The following TSHR variants were observed in gnomAD, a reference collection of about 807,000 sequenced individuals.
TSHR encodes thyrotropin receptor.
Under a neutral mutation model 64.1 loss-of-function variants are expected in TSHR, and 51 were observed. The ratio of observed to expected loss-of-function variants is 0.80; its 90% CI spans 0.64 to 1.01. TSHR has a LOEUF of 1.01. Among genes scored for constraint, TSHR ranks in the 50% least tolerant of loss-of-function variants. TSHR has a pLI of 0.00. For missense variants in TSHR, 877 were observed against 942.8 expected, an observed-to-expected ratio of 0.93 and a Z score of 0.91; for synonymous variants, 361 against 361.9, an observed-to-expected ratio of 1.00 and a Z score of 0.03.
At chr14:81,002,220 C>T (rs1299866624) in intron 1 of TSHR, among the ~76,000 whole-genome samples, 1 of 152,082 alleles carries the variant, frequency 6.6e-6, no homozygotes, top group Non-Finnish European at 1.5e-5. Context: ...TTCTGAAATA[C>T]ATCTGGCCCC....
intron 1 of TSHR, among the ~76,000 whole-genome samples, chr14:81,033,657 T>C (rs1418348211): frequency 1.3e-5 from 2 of 151,548 alleles, no homozygotes; most frequent in African/African-American, 4.8e-5. Context: ...TCTTTATCTT[T>C]AAACCAAGAG....
Position 81,103,976 on chromosome 14 carries a change from T to A in TSHR, c.615-4399T>A. 1.0e-6 allele frequency: 1 copy of A among 985,462 alleles called. No individual in the cohort carries two copies. The highest frequency in any genetic ancestry group is 1.2e-6 in the Non-Finnish European group (1 of 829,932). The allele number at this position is 985,462 out of a possible 1,614,324, so 61.0% of individuals were successfully genotyped here. Reference sequence around the variant, plus strand: ...AGAATTAATGTGCTAATTAGCATCATGCATTAGCTGATTCGAAGTAAAACA... The same window carrying A: ...AGAATTAATGTGCTAATTAGCATCAAGCATTAGCTGATTCGAAGTAAAACA... On this transcript the variant is annotated intron_variant, in intron 7 of 9. Transcript: ENST00000298171. This position sits in a 1 kb window ranked among gnomAD's most constrained non-coding sequence, Gnocchi z 4.1.
chr14:81,046,167 A>G (rs115982509), intron 1 of TSHR, among the ~76,000 whole-genome samples: 2,205 of 152,322 alleles, frequency 0.014, 62 homozygotes, highest in African/African-American at 0.05. Flanking sequence ...TTCCATAATC[A>G]GGGAGAAGGG....
intron 8 of TSHR, among the ~76,000 whole-genome samples, chr14:81,132,464 G>C (rs935911061): frequency 6.6e-6 from 1 of 152,160 alleles, no homozygotes; most frequent in Non-Finnish European, 1.5e-5. Flanking sequence ...ATTAAACGTA[G>C]TTAGCTCTTT....
At chr14:81,001,559 A>C in intron 1 of TSHR, 1 of 525,464 alleles carries the variant, frequency 1.9e-6, no homozygotes, top group Non-Finnish European at 3.8e-6. Context: ...TGGGCCACCA[A>C]CCCTGTGTCC....
intron 4 of TSHR, among the ~76,000 whole-genome samples, chr14:81,090,333 C>A (rs1358916881): frequency 6.6e-6 from 1 of 152,200 alleles, no homozygotes; most frequent in Non-Finnish European, 1.5e-5. Flanking sequence ...CAACCTCCAC[C>A]TCCCAGGTTC....
At chr14:81,031,461 A>T (rs1884343131) in intron 1 of TSHR, among the ~76,000 whole-genome samples, 1 of 152,234 alleles carries the variant, frequency 6.6e-6, no homozygotes, top group Non-Finnish European at 1.5e-5. Flanking sequence ...ATATTTAGAA[A>T]AAAACATGAG....
chr14:80,974,232 C>T (rs529689215), intron 1 of TSHR, among the ~76,000 whole-genome samples: 3 of 152,296 alleles, frequency 2.0e-5, no homozygotes, highest in South Asian at 4.1e-4. Context: ...GACCATCCAG[C>T]AGCTGTTTGG....
rs545850010 is a variant in TSHR at position 81,102,354 on chromosome 14, C to A, written c.614+5647C>A. 5.4e-5 allele frequency among the ~76,000 whole-genome samples: 8 copies of A among 147,976 alleles called. No homozygotes were observed. The East Asian group carries it at 1.4e-3, about 25-fold the overall frequency. The stretch of plus-strand genomic sequence containing the variant: ...TGTCAGTGACAATGGATTTTCAATT[C>A]ACTGGTGCCATGACTTACTGTCTAA... On this transcript the variant is annotated intron_variant, in intron 7 of 9. Transcript: ENST00000298171.
intron 8 of TSHR, chr14:81,109,031 T>G (rs1025194953): frequency 3.4e-6 from 4 of 1,181,340 alleles, no homozygotes; most frequent in Middle Eastern, 3.6e-4. Flanking sequence ...CCCTGAAGCC[T>G]CTGTATCATT....
intron 2 of TSHR, among the ~76,000 whole-genome samples, chr14:81,064,224 A>T (rs1886443431): frequency 6.6e-6 from 1 of 152,158 alleles, no homozygotes; most frequent in South Asian, 2.1e-4. Flanking sequence ...CCCAAAGTAC[A>T]GGGGATGGCA....
intron 1 of TSHR, among the ~76,000 whole-genome samples, chr14:81,029,586 C>T (rs1339726914): frequency 6.6e-6 from 1 of 151,920 alleles, no homozygotes; most frequent in African/African-American, 2.4e-5. Context: ...GAGAAAAAAA[C>T]CCAAATCAAT....
chr14:81,050,717 C>A (rs1261360427), intron 1 of TSHR: 1 of 152,046 alleles, frequency 6.6e-6, no homozygotes, highest in Non-Finnish European at 1.5e-5. Flanking sequence ...ATAATTATAT[C>A]TATTTATGGG....
chr14:81,076,560 C>A (rs755460048), intron 3 of TSHR, among the ~76,000 whole-genome samples: 8 of 152,094 alleles, frequency 5.3e-5, no homozygotes, highest in Non-Finnish European at 1.0e-4. Flanking sequence ...GTATGTTGAG[C>A]CAATAAATGC....
At position 81,117,489 on chromosome 14, in the gene TSHR, G is replaced by A. The variant is rs1269604451; in HGVS notation, c.692+9037G>A. Among the ~76,000 whole-genome samples, 5 of 127,918 alleles carry A rather than the reference G, an allele frequency of 3.9e-5. 1 individual carries two copies. In the Middle Eastern group the frequency reaches 0.011, roughly 293 times the overall value. 83.9% of individuals were successfully genotyped at this position (127,918 alleles called of 152,430 possible). A position where few individuals can be genotyped will look rare whatever the true frequency, so the allele number is the denominator to read the frequency against. ...TCTCCCAAGACTAAACCAGGAAGAA[G>A]TTGAATCTCTGAATAGACCAATAAC... is the stretch of plus-strand genomic sequence containing the variant. On this transcript the variant is annotated intron_variant, in intron 8 of 9. Transcript: ENST00000298171.
In TSHR at chr14:81,103,833, A is replaced by G. The variant is rs187009284; in HGVS notation, c.615-4542A>G. The G allele has an allele frequency of 7.1e-6, 7 of 985,436 alleles. No homozygotes were observed. In the African/African-American group the frequency reaches 1.0e-4, roughly 15 times the overall value. The allele number at this position is 985,436 out of a possible 1,614,324, so 61.0% of individuals were successfully genotyped here. ...TCTGATTCTCTGTATCACATTTCCT[A>G]TTGTCAAACTCTAGTAACTAGCTAC... On this transcript the variant is annotated intron_variant, in intron 7 of 9. Transcript: ENST00000298171. This position sits in a 1 kb window ranked among gnomAD's most constrained non-coding sequence, Gnocchi z 4.1.
chr14:81,036,664 A>G (rs915306713), intron 1 of TSHR, among the ~76,000 whole-genome samples: 1 of 152,202 alleles, frequency 6.6e-6, no homozygotes, highest in Admixed American at 6.5e-5. Context: ...GTATAATCTC[A>G]TTGGTAGGAG....
intron 1 of TSHR, among the ~76,000 whole-genome samples, chr14:81,058,757 C>T (rs1251314009): frequency 6.6e-6 from 1 of 152,076 alleles, no homozygotes; most frequent in Non-Finnish European, 1.5e-5. Context: ...TTTGCCTTTT[C>T]CATAAATATT....
chr14:81,016,505 A>G (rs1360762928), intron 1 of TSHR, among the ~76,000 whole-genome samples: 2 of 152,150 alleles, frequency 1.3e-5, no homozygotes, highest in Non-Finnish European at 2.9e-5. Context: ...AGTTTCTTAT[A>G]TATACTGGAT....
Sources: allele counts gnomAD v4.1 joint callset (sites outside exome capture counted in the v4.1 genomes callset), GRCh38; gene constraint gnomAD v4.1.1; non-coding constraint Gnocchi (gnomAD v3.1); transcripts MANE v1.5; gene names NCBI Gene and HGNC (gene_info 2026-07-23, HGNC 2026-07-21).